Variants in SPIN1 observed in about 807,000 individuals in gnomAD.
SPIN1 encodes the protein spindlin-1.
SPIN1 carries 3 observed loss-of-function variants against 26.0 expected under a neutral mutation model. That is an observed-to-expected ratio of 0.12 (90% CI 0.05 to 0.30). SPIN1 has a LOEUF of 0.30. Ranked by LOEUF, SPIN1 falls within the 10% of genes least tolerant of loss-of-function variation. The pLI, the probability that SPIN1 is intolerant of heterozygous loss-of-function variation, is 1.00. For synonymous variants in SPIN1, 101 were observed against 116.5 expected (o/e 0.87, Z 0.86); for missense variants, 126 against 333.4 (o/e 0.38, Z 4.84).
intron 4 of SPIN1, among the ~76,000 whole-genome samples, chr9:88,467,374 C>T (rs1828690426): frequency 6.6e-6 from 1 of 152,054 alleles, no homozygotes; most frequent in Non-Finnish European, 1.5e-5. Flanking sequence ...AACAAGTACA[C>T]AAATAACATA....
intron 2 of SPIN1, among the ~76,000 whole-genome samples, chr9:88,434,511 TG>T (rs1827960014): frequency 6.6e-6 from 1 of 151,776 alleles, no homozygotes; most frequent in Non-Finnish European, 1.5e-5. Flanking sequence ...GGAAAGTCAG[TG>T]ATGGGTGATA....
chr9:88,426,043 G>C (rs1035286201), intron 1 of SPIN1, among the ~76,000 whole-genome samples: 14 of 152,124 alleles, frequency 9.2e-5, no homozygotes, highest in African/African-American at 3.4e-4. Context: ...TGAAATCCCA[G>C]CATCCACCCT....
At chr9:88,461,550 C>A (rs1828576779) in intron 3 of SPIN1, among the ~76,000 whole-genome samples, 1 of 152,086 alleles carries the variant, frequency 6.6e-6, no homozygotes, top group South Asian at 2.1e-4. Context: ...TAAATTGTTT[C>A]TTTAAAACTT....
chr9:88,450,838 A>G (rs1424823669), intron 3 of SPIN1, among the ~76,000 whole-genome samples: 1 of 152,178 alleles, frequency 6.6e-6, no homozygotes, highest in Non-Finnish European at 1.5e-5. Context: ...ACATTCACGA[A>G]TGATGATTAT....
chr9:88,465,176 C>T (rs1338817635), intron 4 of SPIN1, among the ~76,000 whole-genome samples: 1 of 152,156 alleles, frequency 6.6e-6, no homozygotes, highest in Non-Finnish European at 1.5e-5. Flanking sequence ...ATTGCTTCTA[C>T]CTCTTGGTAG....
chr9:88,403,749 G>T (rs138943217), intron 1 of SPIN1, among the ~76,000 whole-genome samples: 232 of 152,238 alleles, frequency 1.5e-3, no homozygotes, highest in Middle Eastern at 3.4e-3. Flanking sequence ...ACTATTAAGT[G>T]TTCTTTTTAA....
intron 2 of SPIN1, among the ~76,000 whole-genome samples, chr9:88,436,754 C>CTTTTTTTTTTT (rs776223657): frequency 5.1e-5 from 5 of 98,788 alleles, no homozygotes; most frequent in South Asian, 3.6e-4. Context: ...TCCTCTGTGT[C>CTTTTTTTTTTT]TTTTTTTTTT....
At chr9:88,466,798 C>T (rs141307133) in intron 4 of SPIN1, among the ~76,000 whole-genome samples, 155 of 152,250 alleles carry the variant, frequency 1.0e-3, no homozygotes, top group African/African-American at 3.4e-3. Context: ...AGTGCAGTGG[C>T]GCCATCTTGT....
rs201366151 is a variant in SPIN1, at chr9:88,426,602, C to T, written c.52+11C>T. Reference sequence around the variant, plus strand: ...CCAGAGCTGATGCAGGTAGGCATTGCGGTTCTACACATATTTAAATATATA... The same window carrying T: ...CCAGAGCTGATGCAGGTAGGCATTGTGGTTCTACACATATTTAAATATATA... On this transcript the variant is annotated intron_variant, in intron 2 of 5. Coordinates refer to ENST00000375859, the MANE Select transcript of SPIN1 (RefSeq NM_006717.3). 5.4e-5 allele frequency: 87 copies of T among 1,608,738 alleles called. No individual in the cohort carries two copies. The African/African-American group carries it at 8.2e-4, about 15-fold the overall frequency.
At chr9:88,392,592 TCTCCTTCCTTCC>T (rs1019237215) in intron 1 of SPIN1, among the ~76,000 whole-genome samples, 9 of 151,926 alleles carry the variant, frequency 5.9e-5, no homozygotes, top group Admixed American at 2.6e-4. Context: ...TCTCCTCTCT[TCTCCTTCCTTCC>T]CTCCTTCCTT....
At chr9:88,467,829 CAA>C (rs1176307969) in intron 4 of SPIN1, among the ~76,000 whole-genome samples, 1 of 143,294 alleles carries the variant, frequency 7.0e-6, no homozygotes, top group Non-Finnish European at 1.5e-5. Flanking sequence ...TGAAGGAAAA[CAA>C]ACACCAATTT....
intron 1 of SPIN1, among the ~76,000 whole-genome samples, chr9:88,394,754 G>T (rs10868770): frequency 0.19 from 28,831 of 150,236 alleles, 3,623 homozygotes; most frequent in African/African-American, 0.36. Context: ...ATTAATTTGG[G>T]TTGTTTGCCT....
intron 1 of SPIN1, among the ~76,000 whole-genome samples, chr9:88,405,224 A>G (rs1013307313): frequency 6.6e-6 from 1 of 152,110 alleles, no homozygotes; most frequent in East Asian, 1.9e-4. Flanking sequence ...TAATTGTACT[A>G]TACTTTTTTT....
rs545675152 is a variant in SPIN1 at position 88,412,346 on chromosome 9, G to T, written c.-158-14036G>T. Reference sequence around the variant, plus strand: ...TCTGGTTTCTGATAGTTTTTACTAGGGATATCCTTGTAAATTTTACTTTAA... The same window carrying T: ...TCTGGTTTCTGATAGTTTTTACTAGTGATATCCTTGTAAATTTTACTTTAA... On this transcript the variant is annotated intron_variant, in intron 1 of 5. Transcript: ENST00000375859. Among the ~76,000 whole-genome samples, 12 of 152,180 alleles carry T rather than the reference G, an allele frequency of 7.9e-5. No individual in the cohort carries two copies. In the South Asian group the frequency reaches 2.3e-3, roughly 29 times the overall value.
intron 1 of SPIN1, among the ~76,000 whole-genome samples, chr9:88,412,268 A>G (rs1370422549): frequency 1.3e-5 from 2 of 152,186 alleles, no homozygotes; most frequent in African/African-American, 2.4e-5. Context: ...AGATATTCCA[A>G]GCTCCTCTAA....
At chr9:88,435,274 G>C (rs1353207954) in intron 2 of SPIN1, among the ~76,000 whole-genome samples, 1 of 151,214 alleles carries the variant, frequency 6.6e-6, no homozygotes, top group East Asian at 2.0e-4. Flanking sequence ...GGAGAGCAGT[G>C]GCACGATCAT....
chr9:88,459,184 C>T (rs1828529642), intron 3 of SPIN1, among the ~76,000 whole-genome samples: 1 of 152,156 alleles, frequency 6.6e-6, no homozygotes, highest in African/African-American at 2.4e-5. Context: ...TGAAGAAAGC[C>T]TGATCCTGTA....
intron 1 of SPIN1, among the ~76,000 whole-genome samples, chr9:88,425,088 T>G (rs981685456): frequency 1.3e-5 from 2 of 151,874 alleles, no homozygotes. Context: ...GGTGGTAGGG[T>G]CATGTGGTCA....
At chr9:88,399,931 T>G (rs1827151315) in intron 1 of SPIN1, among the ~76,000 whole-genome samples, 1 of 152,170 alleles carries the variant, frequency 6.6e-6, no homozygotes, top group South Asian at 2.1e-4. Context: ...GTGAGATCAT[T>G]GATTGGTAGG....
Sources: allele counts gnomAD v4.1 joint callset (sites outside exome capture counted in the v4.1 genomes callset), GRCh38; gene constraint gnomAD v4.1.1; transcripts MANE v1.5; gene names NCBI Gene and HGNC (gene_info 2026-07-23, HGNC 2026-07-21).